Variants in RAP1B observed in about 807,000 individuals in gnomAD.
RAP1B encodes the protein ras-related protein Rap-1b.
In RAP1B, 1 loss-of-function variant was observed where a neutral mutation model predicts 27.5. That is an observed-to-expected ratio of 0.04 (90% CI 0.01 to 0.17). RAP1B has a LOEUF of 0.17. Among genes scored for constraint, RAP1B ranks in the 10% least tolerant of loss-of-function variants. The probability of loss-of-function intolerance (pLI) is 1.00; values close to 1 mark genes in which losing one functional copy is unlikely to be tolerated. For synonymous variants in RAP1B, 75 were observed against 73.1 expected (o/e 1.03, Z -0.13); for missense variants, 84 against 214.8 (o/e 0.39, Z 3.81).
At chr12:68,628,408 T>C (rs896359623) in intron 1 of RAP1B, among the ~76,000 whole-genome samples, 1 of 152,234 alleles carries the variant, frequency 6.6e-6, no homozygotes, top group Non-Finnish European at 1.5e-5. Flanking sequence ...AGCTTCCAAC[T>C]TCATTCTCTA....
intron 1 of RAP1B, among the ~76,000 whole-genome samples, chr12:68,617,099 A>G (rs896088466): frequency 1.3e-5 from 2 of 152,256 alleles, no homozygotes; most frequent in Non-Finnish European, 2.9e-5. Flanking sequence ...TTATCCTCAC[A>G]TTAGAATATA....
chr12:68,632,125 A>ATTGGTT (rs1872284450), intron 1 of RAP1B, among the ~76,000 whole-genome samples: 1 of 107,142 alleles, frequency 9.3e-6, no homozygotes, highest in African/African-American at 4.6e-5. Flanking sequence ...TGGGTTTTGG[A>ATTGGTT]TTTGTTTTTT....
At chr12:68,642,454 A>G in intron 1 of RAP1B, 1 of 766,910 alleles carries the variant, frequency 1.3e-6, no homozygotes, top group Non-Finnish European at 2.2e-6. Flanking sequence ...CTGTATAATT[A>G]TTATTTTTAA....
At chr12:68,617,324 A>G (rs1195709017) in intron 1 of RAP1B, among the ~76,000 whole-genome samples, 45 of 152,218 alleles carry the variant, frequency 3.0e-4, no homozygotes, top group Non-Finnish European at 1.0e-4. Context: ...TTGTGCCAAC[A>G]TATTTGTGGC....
chr12:68,658,879 C>T (rs1005249104), intron 7 of RAP1B, among the ~76,000 whole-genome samples: 2 of 152,198 alleles, frequency 1.3e-5, no homozygotes, highest in Admixed American at 6.5e-5. Flanking sequence ...GAGTACATTA[C>T]GATTGTGTAA....
At chr12:68,611,518 C>T (rs1592409936) in intron 1 of RAP1B, among the ~76,000 whole-genome samples, 1 of 152,060 alleles carries the variant, frequency 6.6e-6, no homozygotes, top group African/African-American at 2.4e-5. Flanking sequence ...AGAAAGTTGT[C>T]CTTTGCGAAG....
chr12:68,644,773 C>G (rs1320215582), intron 1 of RAP1B, among the ~76,000 whole-genome samples: 1 of 147,606 alleles, frequency 6.8e-6, no homozygotes, highest in East Asian at 2.1e-4. Context: ...ACTGCAACCT[C>G]CACCTCCTGG....
intron 1 of RAP1B, among the ~76,000 whole-genome samples, chr12:68,619,591 C>T (rs1362323325): frequency 2.6e-5 from 4 of 152,192 alleles, no homozygotes; most frequent in African/African-American, 9.7e-5. Context: ...GTGTCAAAGA[C>T]CAGTATCCAG....
Position 68,671,588 on chromosome 12 carries a change from G to A in RAP1B, c.*12339G>A, listed in dbSNP as rs980633379. ...TGTGAGGGATGCATGTGGGCACCTGGGAAAGGAGATGAAGAAAGCAACTGA... is the reference window on the plus strand; with the variant it reads ...TGTGAGGGATGCATGTGGGCACCTGAGAAAGGAGATGAAGAAAGCAACTGA... On this transcript the variant is annotated 3_prime_UTR_variant, in exon 8 of 8. Coordinates refer to ENST00000250559, the MANE Select transcript of RAP1B (RefSeq NM_001010942.3). 1 of 152,098 alleles carries A rather than the reference G, an allele frequency of 6.6e-6. No homozygotes were observed. The highest frequency in any genetic ancestry group is 6.6e-5 in the Admixed American group (1 of 15,266). The allele number at this position is 152,098 out of a possible 1,614,324, so 9.4% of individuals were successfully genotyped here. A position where few individuals can be genotyped will look rare whatever the true frequency, so the allele number is the denominator to read the frequency against.
chr12:68,646,342 C>T (rs1272732681), intron 1 of RAP1B, among the ~76,000 whole-genome samples: 2 of 151,588 alleles, frequency 1.3e-5, no homozygotes, highest in East Asian at 3.9e-4. Context: ...CTCACCGGGG[C>T]TGGAGTGCAG....
At chr12:68,633,302 C>A (rs923606995) in intron 1 of RAP1B, among the ~76,000 whole-genome samples, 1 of 152,110 alleles carries the variant, frequency 6.6e-6, no homozygotes, top group Non-Finnish European at 1.5e-5. Context: ...AGTGAACTCC[C>A]CTATTCCCTA....
rs1229469863 is a variant in RAP1B at position 68,662,529 on chromosome 12, G to C, written c.*3280G>C. 1 of 151,548 alleles carries C rather than the reference G, an allele frequency of 6.6e-6. No individual in the cohort carries two copies. The highest frequency in any genetic ancestry group is 2.4e-5 in the African/African-American group (1 of 41,254). The allele number at this position is 151,548 out of a possible 1,614,324, so 9.4% of individuals were successfully genotyped here. A position where few individuals can be genotyped will look rare whatever the true frequency, so the allele number is the denominator to read the frequency against. The stretch of plus-strand genomic sequence containing the variant: ...TAAATCATTCCGTCTTTAGTTGTGG[G>C]ACAGCAAACTTAGAATCGAAACTCA... On this transcript the variant is annotated 3_prime_UTR_variant, in exon 8 of 8. Transcript: ENST00000250559.
chr12:68,648,522 G>A, intron 1 of RAP1B, 177 bp from the exon 2 acceptor site: 1 of 572,006 alleles, frequency 1.7e-6, no homozygotes, highest in Non-Finnish European at 3.0e-6. Context: ...CTGTAATTCT[G>A]TAGTTTTCTT....
chr12:68,616,712 G>A lies in RAP1B; in HGVS notation c.-27+5669G>A, dbSNP rs1419966232. Among the ~76,000 whole-genome samples the A allele has an allele frequency of 4.6e-5, 7 of 152,124 alleles. 1 individual carries two copies. The South Asian group carries it at 1.2e-3, about 27-fold the overall frequency. On this transcript the variant is annotated intron_variant, in intron 1 of 7. Transcript: ENST00000250559. ...GCCTCCCAAAGTGCTGGGATTACAG[G>A]CATGAGCCACCGCGCCCGGCCAGGT...
Position 68,668,426 on chromosome 12 carries a change from C to T in RAP1B, c.*9177C>T, listed in dbSNP as rs957487146. The T allele has an allele frequency of 1.3e-5, 2 of 152,142 alleles. No individual in the cohort carries two copies. The highest frequency in any genetic ancestry group is 1.9e-4 in the East Asian group (1 of 5,202). The allele number at this position is 152,142 out of a possible 1,614,324, so 9.4% of individuals were successfully genotyped here. A position where few individuals can be genotyped will look rare whatever the true frequency, so the allele number is the denominator to read the frequency against. ...CAAGTGAAATTTGTCACAATTGGCT[C>T]GACTGCTTTATCTCACTTTGAAAAA... On this transcript the variant is annotated 3_prime_UTR_variant, in exon 8 of 8. Transcript: ENST00000250559.
chr12:68,651,268 A>G (rs1233723055), intron 3 of RAP1B, among the ~76,000 whole-genome samples: 1 of 152,208 alleles, frequency 6.6e-6, no homozygotes. Context: ...ATGTGTAGAC[A>G]TTTTTAACTT....
chr12:68,651,917 A>T (rs1384802949), intron 3 of RAP1B, 78 bp from the exon 4 acceptor site: 1 of 1,084,436 alleles, frequency 9.2e-7, no homozygotes, highest in Middle Eastern at 2.2e-4. Context: ...TATTTTTGAT[A>T]CATTAGCTTT....
chr12:68,621,842 A>G (rs1004567122), intron 1 of RAP1B, among the ~76,000 whole-genome samples: 1 of 152,214 alleles, frequency 6.6e-6, no homozygotes, highest in Non-Finnish European at 1.5e-5. Context: ...ATCACTAAGC[A>G]GTTTGACTGG....
chr12:68,637,467 C>T (rs1293311499), intron 1 of RAP1B, among the ~76,000 whole-genome samples: 2 of 151,728 alleles, frequency 1.3e-5, no homozygotes, highest in South Asian at 2.1e-4. Context: ...TGTGGTGGCA[C>T]GCACCTGTAA....
Sources: allele counts gnomAD v4.1 joint callset (sites outside exome capture counted in the v4.1 genomes callset), GRCh38; gene constraint gnomAD v4.1.1; transcripts MANE v1.5; gene names NCBI Gene and HGNC (gene_info 2026-07-23, HGNC 2026-07-21).